Variants in PSMA3 observed in about 807,000 individuals in gnomAD.
PSMA3 encodes the protein proteasome 20S subunit alpha 3.
Under a neutral mutation model 40.0 loss-of-function variants are expected in PSMA3, and 8 were observed. The ratio of observed to expected loss-of-function variants is 0.20; its 90% CI spans 0.12 to 0.36. PSMA3 has a LOEUF of 0.36. PSMA3 is among the 10% of genes least tolerant of loss of function. The pLI is 1.00. For missense variants in PSMA3, 219 were observed against 310.6 expected (o/e 0.70, Z 2.22); for synonymous variants, 110 against 100.0 (o/e 1.10, Z -0.59).
intron 8 of PSMA3, among the ~76,000 whole-genome samples, chr14:58,268,448 C>T (rs563790553): frequency 1.3e-5 from 2 of 151,990 alleles, no homozygotes; most frequent in African/African-American, 2.4e-5. Context: ...TCTTATTAAC[C>T]GGTCCATCAT....
chr14:58,255,404 T>G (rs555998890), intron 3 of PSMA3, among the ~76,000 whole-genome samples: 18 of 152,124 alleles, frequency 1.2e-4, no homozygotes, highest in Non-Finnish European at 1.9e-4. Context: ...TGTGGTGGCA[T>G]TGAAAGGAAT....
intron 6 of PSMA3, among the ~76,000 whole-genome samples, chr14:58,261,605 C>G (rs757235475): frequency 7.9e-5 from 12 of 152,048 alleles, no homozygotes; most frequent in Non-Finnish European, 1.5e-4. Context: ...ACTATAAACA[C>G]TGTCTTAAAA....
At chr14:58,271,156 T>C (rs1227837901) in intron 10 of PSMA3, among the ~76,000 whole-genome samples, 158 bp downstream of exon 10, 2 of 151,170 alleles carry the variant, frequency 1.3e-5, no homozygotes, top group Non-Finnish European at 2.9e-5. Context: ...ATAATATAAA[T>C]AGACTGGGGT....
intron 5 of PSMA3, among the ~76,000 whole-genome samples, chr14:58,259,407 C>G: frequency 6.6e-6 from 1 of 152,058 alleles, no homozygotes; most frequent in Non-Finnish European, 1.5e-5. Context: ...CTCTGCCTCC[C>G]GGGTTCAAGC....
chr14:58,247,354 C>G (rs1466489959), intron 1 of PSMA3, among the ~76,000 whole-genome samples: 1 of 152,154 alleles, frequency 6.6e-6, no homozygotes, highest in African/African-American at 2.4e-5. Flanking sequence ...ATAATAGATA[C>G]TCATTAACTG....
chr14:58,258,071 G>A, intron 5 of PSMA3, 73 bp downstream of exon 5: 1 of 1,191,204 alleles, frequency 8.4e-7, no homozygotes. Context: ...CAGCATCTTA[G>A]CCTTTTACAT....
intron 9 of PSMA3, 121 bp from the exon 10 acceptor site, chr14:58,270,813 A>G: frequency 1.1e-6 from 1 of 889,060 alleles, no homozygotes; most frequent in Non-Finnish European, 1.7e-6. Context: ...TATTACTCAT[A>G]GTACAACTTT....
intron 3 of PSMA3, among the ~76,000 whole-genome samples, chr14:58,254,562 C>G (rs1479771092): frequency 6.6e-6 from 1 of 151,220 alleles, no homozygotes; most frequent in Non-Finnish European, 1.5e-5. Flanking sequence ...TCTTGAACTC[C>G]TGGGCTCAAG....
chr14:58,257,832 A>G lies in PSMA3; in HGVS notation c.316A>G (p.Asn106Asp), dbSNP rs766332501. ...ASNFRSNFGY[N>D]IPLKHLADRV... ...CAACTTCAGATCTAACTTTGGCTAC[A>G]ACATTCCACTAAAAGTAAGTTGATA... The change falls in exon 4 of 11, where the codon AAC (asparagine) becomes GAC (aspartate). Residue 106 changes from asparagine to aspartate, a missense_variant. Coordinates refer to ENST00000216455, the MANE Select transcript of PSMA3 (RefSeq NM_002788.4). 1.2e-5 allele frequency: 20 copies of G among 1,613,566 alleles called. No homozygotes were observed. Among genetic ancestry groups the G allele is most frequent in the Non-Finnish European group, 1.5e-5 (18 of 1,179,496 alleles).
intron 2 of PSMA3, 77 bp from the exon 3 acceptor site, chr14:58,252,042 G>GT (rs1353480163): frequency 9.7e-6 from 14 of 1,450,202 alleles, no homozygotes; most frequent in Admixed American, 2.4e-5. Flanking sequence ...TACTTATTTT[G>GT]TTTTTTTGTT....
rs1170249360 is a variant in PSMA3, at chr14:58,266,532, G to A, written c.544-942G>A. 3.3e-5 allele frequency: 5 copies of A among 152,130 alleles called. No homozygotes were observed. In the East Asian group the frequency reaches 9.6e-4, roughly 29 times the overall value. 9.4% of individuals were successfully genotyped at this position (152,130 alleles called of 1,614,324 possible). On this transcript the variant is annotated intron_variant, in intron 7 of 10. Transcript: ENST00000216455. ...TACTATCAAAACCCAACAACATACA[G>A]ACTCCTCAGCTAGGCCCTAGGGATA...
intron 7 of PSMA3, 74 bp from the exon 8 acceptor site, chr14:58,267,400 A>G: frequency 1.4e-6 from 2 of 1,380,928 alleles, no homozygotes; most frequent in East Asian, 2.7e-5. Context: ...ATATCTGAGT[A>G]TAAAAGTGAA....
chr14:58,263,907 T>C (rs1890358069), intron 7 of PSMA3, 137 bp downstream of exon 7: 3 of 693,908 alleles, frequency 4.3e-6, no homozygotes, highest in Non-Finnish European at 7.5e-6. Context: ...ACACCAACAC[T>C]AATGATAGCT....
Position 58,258,152 on chromosome 14 carries a change from T to C in PSMA3, c.404+154T>C, listed in dbSNP as rs979741205. 3 of 601,758 alleles carry C rather than the reference T, an allele frequency of 5.0e-6. No homozygotes were observed. In the Admixed American group the frequency reaches 8.0e-5, roughly 16 times the overall value. 37.3% of individuals were successfully genotyped at this position (601,758 alleles called of 1,614,324 possible). A position where few individuals can be genotyped will look rare whatever the true frequency, so the allele number is the denominator to read the frequency against. ...ATAAAACAGTGTACATAGAAACTACTTGAGGCTGGGTGCCATGGCTCAAGC... is the reference window on the plus strand; with the variant it reads ...ATAAAACAGTGTACATAGAAACTACCTGAGGCTGGGTGCCATGGCTCAAGC... On this transcript the variant is annotated intron_variant, in intron 5 of 10. Coordinates refer to ENST00000216455, the MANE Select transcript of PSMA3 (RefSeq NM_002788.4).
At chr14:58,259,079 C>T (rs531677396) in intron 5 of PSMA3, among the ~76,000 whole-genome samples, 1 of 152,264 alleles carries the variant, frequency 6.6e-6, no homozygotes, top group African/African-American at 2.4e-5. Context: ...AGGCATGGGC[C>T]ACCATGCCTG....
chr14:58,263,324 A>G (rs1263796473), intron 6 of PSMA3, among the ~76,000 whole-genome samples: 1 of 152,138 alleles, frequency 6.6e-6, no homozygotes, highest in Non-Finnish European at 1.5e-5. Flanking sequence ...AAATAATAAA[A>G]TTGGGGGTTT....
chr14:58,271,100 C>T, intron 10 of PSMA3, 102 bp downstream of exon 10: 1 of 659,216 alleles, frequency 1.5e-6, no homozygotes. Context: ...GACCCCCATC[C>T]CTAATTTAAA....
At chr14:58,247,259 C>A (rs1889902712) in intron 1 of PSMA3, among the ~76,000 whole-genome samples, 1 of 152,204 alleles carries the variant, frequency 6.6e-6, no homozygotes, top group South Asian at 2.1e-4. Flanking sequence ...TGATTTACTG[C>A]TGTACCTCTA....
At chr14:58,248,026 T>G (rs1889917069) in intron 2 of PSMA3, among the ~76,000 whole-genome samples, 194 bp downstream of exon 2, 1 of 152,186 alleles carries the variant, frequency 6.6e-6, no homozygotes, top group Non-Finnish European at 1.5e-5. Flanking sequence ...TCCAGGATTA[T>G]CCACTTAGAT....
Sources: allele counts gnomAD v4.1 joint callset (sites outside exome capture counted in the v4.1 genomes callset), GRCh38; gene constraint gnomAD v4.1.1; transcripts MANE v1.5; gene names NCBI Gene and HGNC (gene_info 2026-07-23, HGNC 2026-07-21).